Variants in ZFHX3 observed in about 807,000 individuals in gnomAD.
ZFHX3 encodes the protein zinc finger homeobox 3.
Under a neutral mutation model 279.1 loss-of-function variants are expected in ZFHX3, and 42 were observed. That is an observed-to-expected ratio of 0.15 (90% CI 0.12 to 0.19). The LOEUF (loss-of-function observed/expected upper bound fraction) is 0.19, where lower values mean the gene tolerates loss of function less well. Among genes scored for constraint, ZFHX3 ranks in the 10% least tolerant of loss-of-function variants. ZFHX3 has a pLI of 1.00. For synonymous variants in ZFHX3, 2,293 were observed against 1,957.8 expected, an observed-to-expected ratio of 1.17 and a Z score of -4.52; for missense variants, 4,981 against 4,754.0, an observed-to-expected ratio of 1.05 and a Z score of -1.40.
intron 5 of ZFHX3, among the ~76,000 whole-genome samples, chr16:73,163,521 T>C (rs940777897): frequency 7.2e-5 from 11 of 152,378 alleles, no homozygotes; most frequent in Middle Eastern, 3.4e-3. Context: ...TGAGAGTAGT[T>C]GCAACAGAGA....
chr16:73,781,594 G>C (rs567366244), intron 1 of ZFHX3, among the ~76,000 whole-genome samples: 1 of 152,126 alleles, frequency 6.6e-6, no homozygotes, highest in South Asian at 2.1e-4. Flanking sequence ...TTTACTACTG[G>C]GTCCTTTACA....
chr16:72,947,056 C>T lies in ZFHX3; in HGVS notation c.3216+3413G>A, dbSNP rs368942344. On this transcript the variant is annotated intron_variant, in intron 3 of 9. Coordinates refer to ENST00000268489, the MANE Select transcript of ZFHX3 (RefSeq NM_006885.4). ...GATCCCAAGACGGTAAATGTTAGGACGTGGACATGTGAGCATTAGGGGCTA... is the reference window on the plus strand; with the variant it reads ...GATCCCAAGACGGTAAATGTTAGGATGTGGACATGTGAGCATTAGGGGCTA... 4.6e-5 allele frequency among the ~76,000 whole-genome samples: 7 copies of T among 152,176 alleles called. 1 individual carries two copies. The highest frequency in any genetic ancestry group is 1.0e-4 in the Non-Finnish European group (7 of 68,034).
chr16:72,811,754 C>G lies in ZFHX3; in HGVS notation c.3687G>C (p.Lys1229Asn), dbSNP rs776595628. 1 of 1,613,908 alleles carries G rather than the reference C, an allele frequency of 6.2e-7. No homozygotes were observed. The highest frequency in any genetic ancestry group is 8.5e-7 in the Non-Finnish European group (1 of 1,179,926). The stretch of plus-strand genomic sequence containing the variant: ...GCCGGTTGACATCGGCATTACTGTA[C>G]TTGCAGTAGGGACACTGGTACATCT... Reference protein sequence around the residue: ...PEQMYQCPYCKYSNADVNRLR... With the variant: ...PEQMYQCPYCNYSNADVNRLR... Residue 1229 changes from lysine to asparagine, a missense_variant, in exon 7 of 10, where the codon AAG (lysine) becomes AAC (asparagine). Around this residue, in one of 7 missense-constraint regions of ZFHX3, gnomAD observed 1,751 missense variants for 1,770.0 expected, o/e 0.99. Coordinates refer to ENST00000268489, the MANE Select transcript of ZFHX3 (RefSeq NM_006885.4).
chr16:73,270,383 C>T (rs902119627), intron 4 of ZFHX3, among the ~76,000 whole-genome samples: 6 of 152,168 alleles, frequency 3.9e-5, no homozygotes, highest in African/African-American at 7.2e-5. Context: ...AACATAGCCA[C>T]GACCACTGAT....
rs569379080 is a variant in ZFHX3 at position 73,700,535 on chromosome 16, T to C, written c.-1607-20295A>G. 4.6e-5 allele frequency among the ~76,000 whole-genome samples: 7 copies of C among 152,330 alleles called. No individual in the cohort carries two copies. The South Asian group carries it at 6.2e-4, about 14-fold the overall frequency. ...TGTTATTTTCTTAATACACCTAAAG[T>C]CTATTATGTAAATTCACAGTAGATT... On this transcript the variant is annotated intron_variant, in intron 1 of 17. Coordinates refer to the ZFHX3 transcript ENST00000641206.
At chr16:73,823,255 T>C (rs1170341511) in intron 1 of ZFHX3, among the ~76,000 whole-genome samples, 1 of 151,564 alleles carries the variant, frequency 6.6e-6, no homozygotes, top group East Asian at 1.9e-4. Context: ...CAGAGAGAAA[T>C]AGGGGGAAGG....
chr16:73,269,259 C>T (rs958217804), intron 4 of ZFHX3, among the ~76,000 whole-genome samples: 2 of 152,200 alleles, frequency 1.3e-5, no homozygotes, highest in Non-Finnish European at 2.9e-5. Flanking sequence ...ATCACCACCA[C>T]CACCACCAGG....
At chr16:72,990,614 C>T (rs183184481) in intron 1 of ZFHX3, among the ~76,000 whole-genome samples, 1 of 152,320 alleles carries the variant, frequency 6.6e-6, no homozygotes. Context: ...GTTCTCCTCA[C>T]TTTAAACGAT....
At chr16:73,374,662 A>G (rs1400746233) in intron 3 of ZFHX3, among the ~76,000 whole-genome samples, 2 of 152,180 alleles carry the variant, frequency 1.3e-5, no homozygotes, top group East Asian at 3.8e-4. Context: ...CTTACATTGC[A>G]ATGGTCGATA....
intron 4 of ZFHX3, among the ~76,000 whole-genome samples, chr16:73,278,565 G>C (rs989335898): frequency 3.9e-5 from 6 of 152,236 alleles, no homozygotes; most frequent in African/African-American, 1.4e-4. Flanking sequence ...CACTGTGTAA[G>C]GGGACCTGAG....
At chr16:73,406,577 T>C (rs1426686877) in intron 3 of ZFHX3, among the ~76,000 whole-genome samples, 2 of 152,242 alleles carry the variant, frequency 1.3e-5, no homozygotes, top group Admixed American at 1.3e-4. Context: ...CTATAAATTC[T>C]GTTTAACATT....
upstream of ZFHX3, among the ~76,000 whole-genome samples, chr16:73,063,563 T>C (rs1423451649): frequency 6.6e-6 from 1 of 152,136 alleles, no homozygotes; most frequent in East Asian, 1.9e-4. Flanking sequence ...AAAAGTTTGC[T>C]CTCAATGCGC....
At chr16:73,090,721 T>A in intron 8 of ZFHX3, among the ~76,000 whole-genome samples, 1 of 144,718 alleles carries the variant, frequency 6.9e-6, no homozygotes. Flanking sequence ...AACTGGCCTC[T>A]ACAGAAAAAA....
intron 1 of ZFHX3, among the ~76,000 whole-genome samples, chr16:73,751,211 C>G (rs2053759072): frequency 6.6e-6 from 1 of 152,178 alleles, no homozygotes; most frequent in South Asian, 2.1e-4. Flanking sequence ...AATCCATGGG[C>G]ACAAAGTCAC....
At chr16:73,159,887 C>T (rs567401269) in intron 5 of ZFHX3, among the ~76,000 whole-genome samples, 4 of 152,176 alleles carry the variant, frequency 2.6e-5, no homozygotes, top group African/African-American at 4.8e-5. Context: ...CTCAGCCTCC[C>T]GAGTAGCTGG....
At chr16:72,912,396 A>G (rs1224977859) in intron 3 of ZFHX3, among the ~76,000 whole-genome samples, 1 of 152,202 alleles carries the variant, frequency 6.6e-6, no homozygotes, top group Non-Finnish European at 1.5e-5. Flanking sequence ...TGGAGGTATG[A>G]GTGGAAATAA....
rs546825110 is a variant in ZFHX3 at position 73,663,690 on chromosome 16, T to C, written c.-1547+16490A>G. Among the ~76,000 whole-genome samples the C allele has an allele frequency of 2.6e-5, 4 of 152,308 alleles. No homozygotes were observed. In the South Asian group the frequency reaches 8.3e-4, roughly 32 times the overall value. On this transcript the variant is annotated intron_variant, in intron 2 of 17. Coordinates refer to the ZFHX3 transcript ENST00000641206. The stretch of plus-strand genomic sequence containing the variant: ...GACAAAGGAGATGCTGAATAAATGT[T>C]TGTTAACTAAGGAATGAATGCATCT...
intron 1 of ZFHX3, among the ~76,000 whole-genome samples, chr16:73,758,463 G>A (rs1381597329): frequency 6.6e-6 from 1 of 152,162 alleles, no homozygotes; most frequent in Non-Finnish European, 1.5e-5. Flanking sequence ...TAATTGTTTA[G>A]TCATTCTTTA....
intron 2 of ZFHX3, among the ~76,000 whole-genome samples, chr16:73,571,639 A>AT (rs34190621): frequency 0.49 from 72,591 of 147,326 alleles, 17,499 homozygotes; most frequent in Admixed American, 0.54. Flanking sequence ...AATAGAATTA[A>AT]TTTTTTTTAA....
Sources: gnomAD v4.1 joint callset for allele counts (sites outside exome capture counted in the v4.1 genomes callset) on GRCh38, gnomAD v4.1.1 for gene constraint, gnomAD v4.1.1 regional missense constraint, MANE v1.5 for transcripts, NCBI Gene and HGNC (gene_info 2026-07-23, HGNC 2026-07-21) for gene names.